Variants in XIRP1 observed in about 807,000 individuals in gnomAD.
XIRP1 encodes xin actin-binding repeat-containing protein 1.
For synonymous variants in XIRP1, 984 were observed against 947.0 expected, an observed-to-expected ratio of 1.04 and a Z score of -0.72; for missense variants, 2,378 against 2,345.4, an observed-to-expected ratio of 1.01 and a Z score of -0.29.
Position 39,187,700 on chromosome 3 carries a change from C to T in XIRP1, c.1746G>A (p.Gln582=). Residue 582 remains glutamine, a synonymous_variant, in exon 2 of 2, where the codon CAG becomes CAA. Transcript: ENST00000340369. ...KEEGKSQGDP[Q]PEAPPKGDVQ... The stretch of plus-strand genomic sequence containing the variant: ...CATCGCCCTTTGGGGGTGCCTCAGG[C>T]TGGGGGTCTCCCTGACTCTTCCCTT... The T allele has an allele frequency of 6.2e-7, 1 of 1,614,078 alleles. No homozygotes were observed. Among genetic ancestry groups the T allele is most frequent in the Non-Finnish European group, 8.5e-7 (1 of 1,180,044 alleles).
chr3:39,188,667 T>G lies in XIRP1; in HGVS notation c.779A>C (p.Glu260Ala). The G allele has an allele frequency of 6.2e-7, 1 of 1,613,288 alleles. No individual in the cohort carries two copies. The highest frequency in any genetic ancestry group is 8.5e-7 in the Non-Finnish European group (1 of 1,180,012). The change falls in exon 2 of 2, where the codon GAG becomes GCG. Residue 260 changes from glutamate to alanine, a missense_variant. Transcript: ENST00000340369. ...IHEVKAACREEIQSNAVRSAR... is the reference protein window; with the variant it reads ...IHEVKAACREAIQSNAVRSAR... ...AGACCTCACCGCGTTGCTTTGGATCTCCTCCCGGCATGCGGCCTTGACCTC... is the reference window on the plus strand; with the variant it reads ...AGACCTCACCGCGTTGCTTTGGATCGCCTCCCGGCATGCGGCCTTGACCTC...
Position 39,184,627 on chromosome 3 carries a change from T to C in XIRP1, c.4819A>G (p.Thr1607Ala), listed in dbSNP as rs940959456. The part of the protein sequence containing the change: ...SGSGQEVGGQ[T>A]AVKNQAKVEC... ...ACCTTGGCTTGGTTCTTGACTGCAG[T>C]TTGACCTCCGACCTCCTGGCCTGAG... is the stretch of plus-strand genomic sequence containing the variant. The change falls in exon 2 of 2, where the codon ACT becomes GCT. Residue 1607 changes from threonine to alanine, a missense_variant. Thr to Ala is a moderately conservative substitution (Grantham distance 58). Transcript: ENST00000340369. 3 of 1,613,776 alleles carry C rather than the reference T, an allele frequency of 1.9e-6. No homozygotes were observed. Among genetic ancestry groups the C allele is most frequent in the South Asian group, 1.1e-5 (1 of 91,074 alleles).
Position 39,184,531 on chromosome 3 carries a change from A to G in XIRP1, c.4915T>C (p.Ser1639Pro), listed in dbSNP as rs1217165282. The G allele has an allele frequency of 1.9e-6, 3 of 1,613,780 alleles. No individual in the cohort carries two copies. In the South Asian group the frequency reaches 3.3e-5, roughly 18 times the overall value. ...NHTEARGHTA[S>P]TAPSTRRQET... is the part of the protein sequence containing the mutation. ...TGCCTCCTGGTGGAAGGGGCAGTTGAGGCTGTGTGACCTCTGGCCTCTGTG... is the reference window on the plus strand; with the variant it reads ...TGCCTCCTGGTGGAAGGGGCAGTTGGGGCTGTGTGACCTCTGGCCTCTGTG... Residue 1639 changes from serine to proline, a missense_variant, in exon 2 of 2, where the codon TCA (serine) becomes CCA (proline). Ser to Pro is a moderately conservative substitution (Grantham distance 74). Transcript: ENST00000340369.
rs773886538 is a variant in XIRP1, at chr3:39,188,571, C to T, written c.875G>A (p.Arg292Gln). 78 of 1,613,066 alleles carry T rather than the reference C, an allele frequency of 4.8e-5. No individual in the cohort carries two copies. Among genetic ancestry groups the T allele is most frequent in the Middle Eastern group, 1.6e-4 (1 of 6,078 alleles). The change falls in exon 2 of 2, where the codon CGG (arginine) becomes CAG (glutamine). Residue 292 changes from arginine (R) to glutamine (Q), a missense_variant. Physicochemically the swap from Arg to Gln is conservative, Grantham distance 43. Transcript: ENST00000340369. ...GGCCCCCTCCTCCAGGGAAATCCCC[C>T]GGATCACCCGCACCTGGCTGGGGTC... ...NQDPSQVRVI[R>Q]GISLEEGARP...
At position 39,183,897 on chromosome 3, in the gene XIRP1, G is replaced by T. The variant is rs1346016505; in HGVS notation, c.*17C>A. On this transcript the variant is annotated 3_prime_UTR_variant, in exon 2 of 2. Transcript: ENST00000340369. ...AGGCCAGGAACAGGTGGCAGGTGTG[G>T]TGGGAGGCGGTGGGCCTCACTGGGC... is the stretch of plus-strand genomic sequence containing the variant. 1 of 1,603,010 alleles carries T rather than the reference G, an allele frequency of 6.2e-7. No individual in the cohort carries two copies. Among genetic ancestry groups the T allele is most frequent in the Non-Finnish European group, 8.5e-7 (1 of 1,176,794 alleles).
Position 39,183,665 on chromosome 3 carries a change from CA to C in XIRP1, c.*248del. The C allele has an allele frequency of 1.8e-6, 1 of 570,672 alleles. No individual in the cohort carries two copies. Among genetic ancestry groups the C allele is most frequent in the South Asian group, 2.6e-5 (1 of 38,740 alleles). 35.4% of individuals were successfully genotyped at this position (570,672 alleles called of 1,614,324 possible). On this transcript the variant is annotated 3_prime_UTR_variant, in exon 2 of 2. Coordinates refer to ENST00000340369, the MANE Select transcript of XIRP1 (RefSeq NM_194293.4). ...CTGTATATATTACATCCTCCACAAG[CA>C]GCTGGGAGCCCCCATCCTACCCCCA...
chr3:39,183,990 G>A lies in XIRP1; in HGVS notation c.5456C>T (p.Ala1819Val), dbSNP rs1222591722. 1 of 1,612,816 alleles carries A rather than the reference G, an allele frequency of 6.2e-7. No homozygotes were observed. Among genetic ancestry groups the A allele is most frequent in the South Asian group, 1.1e-5 (1 of 91,024 alleles). The change falls in exon 2 of 2, where the codon GCT (alanine) becomes GTT (valine). Residue 1819 changes from alanine (A) to valine (V), a missense_variant. Transcript: ENST00000340369. Reference protein sequence around the residue: ...PLLRQFLHSPAGFSSDLTEAE... With the variant: ...PLLRQFLHSPVGFSSDLTEAE... Reference sequence around the variant, plus strand: ...TTCTGTCAGGTCACTGCTGAACCCAGCTGGGCTGTGCAGGAACTGCCTCAG... The same window carrying A: ...TTCTGTCAGGTCACTGCTGAACCCAACTGGGCTGTGCAGGAACTGCCTCAG...
rs747524172 is a variant in XIRP1, at chr3:39,187,269, T to C, written c.2177A>G (p.His726Arg). The C allele has an allele frequency of 1.4e-5, 22 of 1,584,140 alleles. No homozygotes were observed. The highest frequency in any genetic ancestry group is 3.4e-4 in the Middle Eastern group (2 of 5,922). ...IAGSIPAGSV[H>R]KFTWLFENCP... ...ATTCTCAAAAAGCCAAGTGAACTTG[T>C]GGACAGAACCCGCGGGGATGGACCC... Residue 726 changes from histidine (H) to arginine (R), a missense_variant, in exon 2 of 2, where the codon CAC becomes CGC. Coordinates refer to ENST00000340369, the MANE Select transcript of XIRP1 (RefSeq NM_194293.4).
At position 39,186,820 on chromosome 3, in the gene XIRP1, G is replaced by C. The variant is rs111655940; in HGVS notation, c.2626C>G (p.Pro876Ala). The change falls in exon 2 of 2, where the codon CCT becomes GCT. Residue 876 changes from proline (P) to alanine (A), a missense_variant. Coordinates refer to ENST00000340369, the MANE Select transcript of XIRP1 (RefSeq NM_194293.4). ...GSSGNIEDMD[P>A]ELQQLLACGL... ...CAAGCCAGCAGCTGCTGGAGCTCAG[G>C]GTCCATGTCTTCAATATTCCCACTG... 190 of 1,613,860 alleles carry C rather than the reference G, an allele frequency of 1.2e-4. 3 individuals carry two copies. The African/African-American group carries it at 2.1e-3, about 18-fold the overall frequency.
chr3:39,190,701 G>A (rs576038101), intron 1 of XIRP1, among the ~76,000 whole-genome samples: 1 of 152,016 alleles, frequency 6.6e-6, no homozygotes, highest in African/African-American at 2.4e-5. Context: ...CTCTGTCCAT[G>A]TATGTCTTAT....
rs765435890 is a variant in XIRP1 at position 39,184,983 on chromosome 3, C to T, written c.4463G>A (p.Ser1488Asn). The change falls in exon 2 of 2, where the codon AGT becomes AAT. Residue 1488 changes from serine (S) to asparagine (N), a missense_variant. Physicochemically the swap from Ser to Asn is conservative, Grantham distance 46 (BLOSUM62 1). Coordinates refer to ENST00000340369, the MANE Select transcript of XIRP1 (RefSeq NM_194293.4). ...VQALEKEAAS[S>N]VDVQALRRLF... ...CCTCCGCAGGGCCTGCACGTCCACA[C>T]TGCTTGCGGCCTCCTTCTCCAGGGC... 2 of 1,524,482 alleles carry T rather than the reference C, an allele frequency of 1.3e-6. No individual in the cohort carries two copies. Among genetic ancestry groups the T allele is most frequent in the African/African-American group, 2.8e-5 (2 of 71,806 alleles). The allele number at this position is 1,524,482 out of a possible 1,614,324, so 94.4% of individuals were successfully genotyped here.
Position 39,185,165 on chromosome 3 carries a change from C to A in XIRP1, c.4281G>T (p.Lys1427Asn). The A allele has an allele frequency of 6.2e-7, 1 of 1,607,888 alleles. No individual in the cohort carries two copies. Among genetic ancestry groups the A allele is most frequent in the Non-Finnish European group, 8.5e-7 (1 of 1,176,566 alleles). The stretch of plus-strand genomic sequence containing the variant: ...TGGGATCATGGTTGAGGGCATTGAG[C>A]TTGGGGGGCTCAGAGCTCTGGGCAT... The part of the protein sequence containing the change: ...GSNAQSSEPP[K>N]LNALNHDPTS... Residue 1427 changes from lysine to asparagine, a missense_variant, in exon 2 of 2, where the codon AAG becomes AAT. Coordinates refer to ENST00000340369, the MANE Select transcript of XIRP1 (RefSeq NM_194293.4).
In XIRP1 at chr3:39,188,572, G is replaced by A. The variant is rs762503198; in HGVS notation, c.874C>T (p.Arg292Trp). Residue 292 changes from arginine (R) to tryptophan (W), a missense_variant, in exon 2 of 2, where the codon CGG (arginine) becomes TGG (tryptophan). Coordinates refer to ENST00000340369, the MANE Select transcript of XIRP1 (RefSeq NM_194293.4). ...NQDPSQVRVIRGISLEEGARP... is the reference protein window; with the variant it reads ...NQDPSQVRVIWGISLEEGARP... ...GCCCCCTCCTCCAGGGAAATCCCCC[G>A]GATCACCCGCACCTGGCTGGGGTCC... The A allele has an allele frequency of 8.1e-6, 13 of 1,613,208 alleles. No individual in the cohort carries two copies. The highest frequency in any genetic ancestry group is 3.3e-5 in the Admixed American group (2 of 60,024).
rs2039925648 is a variant in XIRP1, at chr3:39,184,476, G to C, written c.4970C>G (p.Pro1657Arg). The change falls in exon 2 of 2, where the codon CCT (proline) becomes CGT (arginine). Residue 1657 changes from proline (P) to arginine (R), a missense_variant. Physicochemically the swap from Pro to Arg is moderately radical, Grantham distance 103. Coordinates refer to ENST00000340369, the MANE Select transcript of XIRP1 (RefSeq NM_194293.4). ...ATCTCGGCTGGAAGGTAAAACCCGA[G>C]GAGGGCACAAATACTCTCTTGATGT... Reference protein sequence around the residue: ...QETSREYLCPPRVLPSSRDSP... With the variant: ...QETSREYLCPRRVLPSSRDSP... The C allele has an allele frequency of 1.9e-6, 3 of 1,614,146 alleles. No individual in the cohort carries two copies. Among genetic ancestry groups the C allele is most frequent in the Non-Finnish European group, 2.5e-6 (3 of 1,180,050 alleles).
chr3:39,188,638 G>C lies in XIRP1; in HGVS notation c.808C>G (p.Arg270Gly), dbSNP rs770304171. ...AGAGGCCGGGTCTCAAAGAGCCAGC[G>C]GGCAGACCTCACCGCGTTGCTTTGG... ...EIQSNAVRSA[R>G]WLFETRPLDA... is the part of the protein sequence containing the mutation. Residue 270 changes from arginine to glycine, a missense_variant, in exon 2 of 2, where the codon CGC becomes GGC. Coordinates refer to ENST00000340369, the MANE Select transcript of XIRP1 (RefSeq NM_194293.4). 3.1e-6 allele frequency: 5 copies of C among 1,613,278 alleles called. 1 individual carries two copies. In the South Asian group the frequency reaches 5.5e-5, roughly 18 times the overall value.
chr3:39,189,607 A>G (rs1037094401), intron 1 of XIRP1, 82 bp from the exon 2 acceptor site: 40 of 1,130,580 alleles, frequency 3.5e-5, no homozygotes, highest in Non-Finnish European at 4.6e-5. Flanking sequence ...CCCTCTCTCT[A>G]TGTGCCTGGC....
intron 1 of XIRP1, among the ~76,000 whole-genome samples, chr3:39,192,231 CAGCCACTCTGAG>C (rs2040096439): frequency 6.6e-6 from 1 of 152,260 alleles, no homozygotes; most frequent in South Asian, 2.1e-4. Flanking sequence ...AGGCCTGTGG[CAGCCACTCTGAG>C]AGCTCCCATG....
Position 39,188,427 on chromosome 3 carries a change from G to C in XIRP1, c.1019C>G (p.Pro340Arg), listed in dbSNP as rs1441963677. 1 of 1,606,836 alleles carries C rather than the reference G, an allele frequency of 6.2e-7. No homozygotes were observed. Among genetic ancestry groups the C allele is most frequent in the Admixed American group, 1.7e-5 (1 of 59,770 alleles). Residue 340 changes from proline (P) to arginine (R), a missense_variant, in exon 2 of 2, where the codon CCA becomes CGA. Coordinates refer to ENST00000340369, the MANE Select transcript of XIRP1 (RefSeq NM_194293.4). ...CAGATGCTGCTGCTGCTGAACATCT[G>C]GACCAGGTGGGATAAGGTCTGGGGA... ...QPSPDLIPPGPDVQQQQHLFE... is the reference protein window; with the variant it reads ...QPSPDLIPPGRDVQQQQHLFE...
rs1439994129 is a variant in XIRP1, at chr3:39,186,511, TG to T, written c.2934del (p.Ser979AlafsTer7). 6.2e-7 allele frequency: 1 copy of T among 1,613,172 alleles called. No homozygotes were observed. Among genetic ancestry groups the T allele is most frequent in the Non-Finnish European group, 8.5e-7 (1 of 1,179,514 alleles). On this transcript the variant is annotated frameshift_variant, in exon 2 of 2. Coordinates refer to ENST00000340369, the MANE Select transcript of XIRP1 (RefSeq NM_194293.4). LOFTEE classifies it low-confidence loss of function (END_TRUNC). ...GCTCTCAGATGCCCCATCCCCATGC[TG>T]GGGTCCAGTGGGGGAACATGGATGA... ...ESIIHVPPLDPSMGMGHLRAS... is the reference protein window; with the variant it reads ...ESIIHVPPLDXSMGMGHLRAS...
Sources: allele counts gnomAD v4.1 joint callset (sites outside exome capture counted in the v4.1 genomes callset), GRCh38; gene constraint gnomAD v4.1.1; transcripts MANE v1.5; gene names NCBI Gene and HGNC (gene_info 2026-07-23, HGNC 2026-07-21).